The following SLC66A1 variants were observed in gnomAD, a reference collection of about 807,000 sequenced individuals.
SLC66A1 encodes the protein solute carrier family 66 member 1.
SLC66A1 carries 23 observed loss-of-function variants against 33.0 expected under a neutral mutation model. The ratio of observed to expected loss-of-function variants is 0.70; its 90% confidence interval spans 0.50 to 0.99. The LOEUF is 0.99. Among genes scored for constraint, SLC66A1 ranks in the 50% least tolerant of loss-of-function variants. The pLI, the probability that SLC66A1 is intolerant of heterozygous loss-of-function variation, is 0.00. For missense variants in SLC66A1, 335 were observed against 383.6 expected (o/e 0.87, Z 1.06); for synonymous variants, 164 against 175.5 (o/e 0.93, Z 0.52).
intron 2 of SLC66A1, among the ~76,000 whole-genome samples, chr1:19,324,204 CGCACGTCCCTTTCCCA>C (rs1457846063): frequency 1.3e-5 from 2 of 152,256 alleles, no homozygotes; most frequent in Non-Finnish European, 2.9e-5. Flanking sequence ...GCCTTCGGCC[CGCACGTCCCTTTCCCA>C]GCACTGTTCT....
Position 19,327,274 on chromosome 1 carries a change from G to A in SLC66A1, c.666G>A (p.Leu222=). 6.2e-7 allele frequency: 1 copy of A among 1,613,942 alleles called. No homozygotes were observed. Residue 222 remains leucine (L), a synonymous_variant, in exon 7 of 8, where the codon CTG becomes CTA. Coordinates refer to ENST00000375153, the MANE Select transcript of SLC66A1 (RefSeq NM_001040125.2). The part of the protein sequence containing the change: ...TQGISYSLFA[L]VMLGNTLYGL... ...GGATCTCCTACTCTCTGTTCGCGCTGGTGATGCTGGGGAACACGCTGTATG... is the reference window on the plus strand; with the variant it reads ...GGATCTCCTACTCTCTGTTCGCGCTAGTGATGCTGGGGAACACGCTGTATG...
chr1:19,320,666 T>G (rs372050390), intron 2 of SLC66A1, among the ~76,000 whole-genome samples: 2 of 151,794 alleles, frequency 1.3e-5, no homozygotes, highest in South Asian at 2.1e-4. Context: ...CCGCCCGCCT[T>G]GGCCTCCCAA....
chr1:19,326,332 C>T lies in SLC66A1; in HGVS notation c.470C>T (p.Ala157Val). ...CTGAGTGCTGCTGGGCCCGTGGCTG[C>T]CCCTAGGGAAGCCTTCCGGGGGCGG... is the stretch of plus-strand genomic sequence containing the variant. ...PLLSAAGPVA[A>V]PREAFRGRAL... is the part of the protein sequence containing the mutation. The change falls in exon 5 of 8, where the codon GCC becomes GTC. Residue 157 changes from alanine (A) to valine (V), a missense_variant. Ala to Val is a moderately conservative substitution (Grantham distance 64, BLOSUM62 0). Coordinates refer to ENST00000375153, the MANE Select transcript of SLC66A1 (RefSeq NM_001040125.2). 3 of 1,606,822 alleles carry T rather than the reference C, an allele frequency of 1.9e-6. No individual in the cohort carries two copies. The highest frequency in any genetic ancestry group is 2.5e-6 in the Non-Finnish European group (3 of 1,179,740).
downstream of SLC66A1, among the ~76,000 whole-genome samples, chr1:19,331,006 A>G (rs2093890842): frequency 2.0e-5 from 3 of 151,946 alleles, no homozygotes; most frequent in South Asian, 2.1e-4. Flanking sequence ...CAGCTCTGAG[A>G]TGGGGGAGTT....
At chr1:19,325,456 G>A (rs2093858894) in intron 3 of SLC66A1, 39 bp from the exon 4 acceptor site, 1 of 1,468,662 alleles carries the variant, frequency 6.8e-7, no homozygotes, top group Non-Finnish European at 9.5e-7. Flanking sequence ...TCAGATCCTG[G>A]GACTGCGCCA....
At position 19,328,136 on chromosome 1, in the gene SLC66A1, C is replaced by G; in HGVS notation, c.805-436C>G. ...GCTGAATGGCTGTAAAGAGCGTTAC[C>G]TGGGTCTCATTTCGGAGCAAGTAAA... On this transcript the variant is annotated intron_variant, in intron 7 of 7. Transcript: ENST00000375153. The surrounding 1 kb of genome is among the most constrained non-coding windows in gnomAD (Gnocchi z 4.7). 3.4e-6 allele frequency: 1 copy of G among 296,986 alleles called. No individual in the cohort carries two copies. The highest frequency in any genetic ancestry group is 6.5e-6 in the Non-Finnish European group (1 of 153,818). 18.4% of individuals were successfully genotyped at this position (296,986 alleles called of 1,614,324 possible).
intron 7 of SLC66A1, chr1:19,327,973 C>T (rs915636460): frequency 1.5e-5 from 4 of 259,424 alleles, no homozygotes; most frequent in African/African-American, 8.9e-5. Flanking sequence ...TGACGCAGGG[C>T]ACACAGTCAA....
rs1255982788 is a variant in SLC66A1 at position 19,312,570 on chromosome 1, GA to G, written c.-397del. On this transcript the variant is annotated 5_prime_UTR_variant, in exon 1 of 8. Transcript: ENST00000375153. ...GCCAGTGGCCCCCCACCTCAAAGGC[GA>G]CCAGCGCGGCCTCTCGAGCTGGCCT... 6.5e-6 allele frequency: 1 copy of G among 152,888 alleles called. No homozygotes were observed. The highest frequency in any genetic ancestry group is 2.4e-5 in the African/African-American group (1 of 41,510). 9.5% of individuals were successfully genotyped at this position (152,888 alleles called of 1,614,324 possible). A position where few individuals can be genotyped will look rare whatever the true frequency, so the allele number is the denominator to read the frequency against.
chr1:19,313,121 C>G, intron 1 of SLC66A1: 2 of 848,974 alleles, frequency 2.4e-6, no homozygotes, highest in Non-Finnish European at 2.8e-6. Context: ...ACTCTGCAGT[C>G]AGCCTAGGTG....
intron 2 of SLC66A1, 38 bp from the exon 3 acceptor site, chr1:19,324,595 G>T: frequency 6.2e-7 from 1 of 1,612,978 alleles, no homozygotes; most frequent in East Asian, 2.2e-5. Flanking sequence ...CCTGTAAGGT[G>T]GCCTGAGCAT....
rs146689732 is a variant in SLC66A1, at chr1:19,327,407, A to G, written c.799A>G (p.Thr267Ala). 78 of 1,589,238 alleles carry G rather than the reference A, an allele frequency of 4.9e-5. No homozygotes were observed. The highest frequency in any genetic ancestry group is 6.6e-5 in the Non-Finnish European group (77 of 1,167,608). Residue 267 changes from threonine to alanine, a missense_variant, in exon 7 of 8, where the codon ACC (threonine) becomes GCC (alanine). By Grantham distance (58) the Thr-to-Ala change is moderately conservative (BLOSUM62 0). Coordinates refer to ENST00000375153, the MANE Select transcript of SLC66A1 (RefSeq NM_001040125.2). ...CAGCCTGGGCGTGCTGCTGCTCGAC[A>G]CCATCGTATCCTTCAGGGCGTGTGG... Reference protein sequence around the residue: ...VGSLGVLLLDTIISIQFLVYR... With the variant: ...VGSLGVLLLDAIISIQFLVYR...
At chr1:19,321,778 G>T (rs1342357332) in intron 2 of SLC66A1, among the ~76,000 whole-genome samples, 1 of 146,084 alleles carries the variant, frequency 6.8e-6, no homozygotes, top group African/African-American at 2.8e-5. Flanking sequence ...TGTTGGCTAG[G>T]CTGGTCTCGA....
chr1:19,327,879 G>A (rs536663452), intron 7 of SLC66A1: 4 of 309,368 alleles, frequency 1.3e-5, no homozygotes, highest in Non-Finnish European at 2.6e-5. Context: ...CTGTGCAGAC[G>A]AGAGCTGGAG....
At position 19,328,483 on chromosome 1, in the gene SLC66A1, G is replaced by A; in HGVS notation, c.805-89G>A. ...CAGCGTGGGGGTGGGAGGGAGGGGA[G>A]AGGGAGGCAGCTCCCAGGAGTCGAA... On this transcript the variant is annotated intron_variant, in intron 7 of 7. Coordinates refer to ENST00000375153, the MANE Select transcript of SLC66A1 (RefSeq NM_001040125.2). This position sits in a 1 kb window ranked among gnomAD's most constrained non-coding sequence, Gnocchi z 4.7. 1 of 1,226,560 alleles carries A rather than the reference G, an allele frequency of 8.2e-7. No homozygotes were observed. The highest frequency in any genetic ancestry group is 1.2e-6 in the Non-Finnish European group (1 of 857,076). 76.0% of individuals were successfully genotyped at this position (1,226,560 alleles called of 1,614,324 possible). A position where few individuals can be genotyped will look rare whatever the true frequency, so the allele number is the denominator to read the frequency against.
Position 19,324,578 on chromosome 1 carries a change from G to A in SLC66A1, c.165-55G>A, listed in dbSNP as rs578124451. On this transcript the variant is annotated intron_variant, in intron 2 of 7. Coordinates refer to ENST00000375153, the MANE Select transcript of SLC66A1 (RefSeq NM_001040125.2). ...CTCTGGGCGGTGTCCCCTATAAGGC[G>A]GCATCCCCTGTAAGGTGGCCTGAGC... 132 of 1,605,940 alleles carry A rather than the reference G, an allele frequency of 8.2e-5. No individual in the cohort carries two copies. In the Admixed American group the frequency reaches 1.3e-3, roughly 16 times the overall value.
chr1:19,316,353 TTGTGTGTGTGTGTGTGTGTGTG>T (rs36226389), intron 1 of SLC66A1, among the ~76,000 whole-genome samples: 9 of 144,818 alleles, frequency 6.2e-5, no homozygotes, highest in East Asian at 4.1e-4. Flanking sequence ...TCTTTATGGT[TTGTGTGTGTGTGTGTGTGTGTG>T]TGTGTGTGTG....
At chr1:19,319,989 C>T (rs2491082) in intron 2 of SLC66A1, among the ~76,000 whole-genome samples, 9 of 150,564 alleles carry the variant, frequency 6.0e-5, no homozygotes, top group Non-Finnish European at 1.0e-4. Flanking sequence ...CTCTGCCTGG[C>T]GTGCTCAAGA....
intron 7 of SLC66A1, chr1:19,327,805 C>T (rs2093877458): frequency 2.7e-6 from 1 of 366,048 alleles, no homozygotes; most frequent in Non-Finnish European, 5.5e-6. Context: ...CTATAAGTCT[C>T]ATTGAACCTG....
intron 2 of SLC66A1, among the ~76,000 whole-genome samples, chr1:19,321,885 G>T (rs2093839648): frequency 1.3e-5 from 2 of 152,112 alleles, no homozygotes; most frequent in South Asian, 4.1e-4. Context: ...TTGTCCCAGC[G>T]CCAGGTGTTG....
Sources: allele counts gnomAD v4.1 joint callset (sites outside exome capture counted in the v4.1 genomes callset), GRCh38; gene constraint gnomAD v4.1.1; non-coding constraint Gnocchi (gnomAD v3.1); transcripts MANE v1.5; gene names NCBI Gene and HGNC (gene_info 2026-07-23, HGNC 2026-07-21).